Variants in ARFGEF1 observed in about 807,000 individuals in gnomAD.
The protein encoded by ARFGEF1 is ARF guanine nucleotide exchange factor 1.
Under a neutral mutation model 231.0 loss-of-function variants are expected in ARFGEF1, and 42 were observed. That is an observed-to-expected ratio of 0.18 (90% CI 0.14 to 0.24). The LOEUF (loss-of-function observed/expected upper bound fraction) is 0.24. ARFGEF1 is among the 10% of genes least tolerant of loss of function. The pLI is 1.00. For missense variants in ARFGEF1, 1,345 were observed against 2,192.0 expected (o/e 0.61, Z 7.72); for synonymous variants, 710 against 732.3 (o/e 0.97, Z 0.49).
At chr8:67,185,899 C>CA (rs1313377834) in intron 5 of ARFGEF1, among the ~76,000 whole-genome samples, 11 of 152,038 alleles carry the variant, frequency 7.2e-5, no homozygotes, top group East Asian at 3.9e-4. Flanking sequence ...AAGAATCCTT[C>CA]AAAAAAACAG....
chr8:67,195,590 T>TTAAAA, downstream of ARFGEF1: 1 of 1,613,872 alleles, frequency 6.2e-7, no homozygotes, highest in Non-Finnish European at 8.5e-7. Context: ...CTGCACATGG[T>TTAAAA]TAAAATAAAC....
At chr8:67,193,373 A>C, downstream of ARFGEF1, 1 of 1,153,936 alleles carries the variant, frequency 8.7e-7, no homozygotes, top group Non-Finnish European at 1.3e-6. Flanking sequence ...CTGGGATCAC[A>C]GGTGATAGGC....
At chr8:67,316,004 T>C (rs968904146) in intron 1 of ARFGEF1, among the ~76,000 whole-genome samples, 4 of 150,344 alleles carry the variant, frequency 2.7e-5, no homozygotes, top group African/African-American at 7.3e-5. Flanking sequence ...AAACTGAAAA[T>C]AGAAAAATAG....
chr8:67,272,591 T>C (rs985206718), intron 9 of ARFGEF1, among the ~76,000 whole-genome samples: 1 of 152,216 alleles, frequency 6.6e-6, no homozygotes, highest in African/African-American at 2.4e-5. Context: ...CCATACTTCT[T>C]ACAAATCATC....
At chr8:67,282,572 G>GCA (rs2128903917) in intron 7 of ARFGEF1, among the ~76,000 whole-genome samples, 1 of 152,146 alleles carries the variant, frequency 6.6e-6, no homozygotes, top group African/African-American at 2.4e-5. Flanking sequence ...TATAGGCCAG[G>GCA]CGCGGTGGCT....
Position 67,217,906 on chromosome 8 carries a change from C to A in ARFGEF1, c.4489G>T (p.Ala1497Ser). 1.9e-6 allele frequency: 3 copies of A among 1,613,850 alleles called. No homozygotes were observed. Among genetic ancestry groups the A allele is most frequent in the Non-Finnish European group, 2.5e-6 (3 of 1,179,874 alleles). Residue 1497 changes from alanine (A) to serine (S), a missense_variant, in exon 32 of 39, where the codon GCG (alanine) becomes TCG (serine). Coordinates refer to ENST00000262215, the MANE Select transcript of ARFGEF1 (RefSeq NM_006421.5). The part of the protein sequence containing the change: ...WCVQQDNEQL[A>S]RSGTNCLENV... ...TCTAAACAGTTTGTACCAGATCGCG[C>A]TAACTGCTCATTGTCTAGGAAAGAA...
intron 6 of ARFGEF1, among the ~76,000 whole-genome samples, chr8:67,291,342 T>G (rs910176492): frequency 6.6e-6 from 1 of 151,986 alleles, no homozygotes; most frequent in Non-Finnish European, 1.5e-5. Flanking sequence ...GTGATTACTA[T>G]GCATCATGAT....
Position 67,287,951 on chromosome 8 carries a change from C to T in ARFGEF1, c.1027+4G>A, listed in dbSNP as rs1273896208. ...GTAAAATAATTTTGAATGAAGTATA[C>T]TACCTCCAACAACAATGTTCACCAT... is the stretch of plus-strand genomic sequence containing the variant. On this transcript the variant is annotated splice_donor_region_variant and intron_variant, in intron 7 of 38. Transcript: ENST00000262215. 1 of 1,567,810 alleles carries T rather than the reference C, an allele frequency of 6.4e-7. No homozygotes were observed. The highest frequency in any genetic ancestry group is 8.6e-7 in the Non-Finnish European group (1 of 1,159,494).
chr8:67,261,161 T>C (rs1171169869), intron 14 of ARFGEF1, among the ~76,000 whole-genome samples: 2 of 152,150 alleles, frequency 1.3e-5, no homozygotes, highest in African/African-American at 4.8e-5. Context: ...ATCCAGAAGA[T>C]GTAGCTACGA....
intron 33 of ARFGEF1, among the ~76,000 whole-genome samples, chr8:67,213,782 G>A (rs901381617): frequency 3.9e-5 from 6 of 152,146 alleles, no homozygotes; most frequent in African/African-American, 1.2e-4. Flanking sequence ...AAGAAATCCC[G>A]CCTGTGAACT....
intron 22 of ARFGEF1, among the ~76,000 whole-genome samples, chr8:67,236,405 TATATATG>T (rs1839770186): frequency 9.9e-6 from 1 of 100,962 alleles, no homozygotes; most frequent in Non-Finnish European, 1.9e-5. Flanking sequence ...TATATATATA[TATATATG>T]TATCCACTGT....
At chr8:67,236,317 C>CAAA (rs1170379472) in intron 22 of ARFGEF1, among the ~76,000 whole-genome samples, 6 of 12,098 alleles carry the variant, frequency 5.0e-4, no homozygotes, top group East Asian at 0.011. Context: ...GACTGTGACT[C>CAAA]AAAAAAAAAA....
intron 28 of ARFGEF1, 107 bp from the exon 29 acceptor site, chr8:67,225,140 C>A: frequency 2.9e-6 from 3 of 1,022,254 alleles, no homozygotes; most frequent in Non-Finnish European, 2.6e-6. Context: ...AACCAGTGAG[C>A]AATTTAATAA....
intron 38 of ARFGEF1, chr8:67,199,404 T>G (rs1247889562): frequency 4.2e-6 from 1 of 238,752 alleles, no homozygotes; most frequent in Non-Finnish European, 8.0e-6. Flanking sequence ...CAAACTAGAG[T>G]TGAGATTTTA....
intron 1 of ARFGEF1, among the ~76,000 whole-genome samples, chr8:67,339,595 G>A (rs1808506075): frequency 6.6e-6 from 1 of 151,768 alleles, no homozygotes; most frequent in Non-Finnish European, 1.5e-5. Context: ...CTCAGCTGTT[G>A]TCTCATCTGC....
intron 27 of ARFGEF1, 74 bp from the exon 28 acceptor site, chr8:67,226,257 T>C: frequency 8.0e-7 from 1 of 1,255,674 alleles, no homozygotes. Context: ...CACCAACATC[T>C]AGATGTAATG....
At chr8:67,181,600 T>TTAACCACTGCTC (rs796546775) in intron 5 of ARFGEF1, among the ~76,000 whole-genome samples, 12 of 152,290 alleles carry the variant, frequency 7.9e-5, no homozygotes, top group African/African-American at 2.9e-4. Context: ...CATGGCTGTG[T>TTAACCACTGCTC]TAACCACTGC....
Position 67,291,997 on chromosome 8 carries a change from G to C in ARFGEF1, c.766C>G (p.His256Asp), listed in dbSNP as rs1292146078. The C allele has an allele frequency of 2.5e-6, 4 of 1,613,840 alleles. No individual in the cohort carries two copies. Among genetic ancestry groups the C allele is most frequent in the Non-Finnish European group, 2.5e-6 (3 of 1,179,910 alleles). Residue 256 changes from histidine (H) to aspartate (D), a missense_variant, in exon 6 of 39, where the codon CAT becomes GAT. His to Asp is a moderately conservative substitution (Grantham distance 81, BLOSUM62 -1). Around this residue, in one of 14 missense-constraint regions of ARFGEF1, gnomAD observed 398 missense variants for 463.2 expected, o/e 0.86. Coordinates refer to ENST00000262215, the MANE Select transcript of ARFGEF1 (RefSeq NM_006421.5). Reference protein sequence around the residue: ...LRYLPPQTVDHISQEHEGDLD... With the variant: ...LRYLPPQTVDDISQEHEGDLD... ...TCCCCTTCGTGTTCTTGGGATATAT[G>C]ATCAACAGTCTGAGGTGGCAAATAT...
At chr8:67,300,795 G>A (rs1806451167) in intron 3 of ARFGEF1, among the ~76,000 whole-genome samples, 1 of 150,628 alleles carries the variant, frequency 6.6e-6, no homozygotes, top group African/African-American at 2.4e-5. Flanking sequence ...AGTGAGCCAA[G>A]ATTACGCCAC....
Sources: allele counts gnomAD v4.1 joint callset (sites outside exome capture counted in the v4.1 genomes callset), GRCh38; gene constraint gnomAD v4.1.1; regional missense constraint gnomAD v4.1.1; transcripts MANE v1.5; gene names NCBI Gene and HGNC (gene_info 2026-07-23, HGNC 2026-07-21).